AGRN: variants seen among roughly 807,000 people sequenced by gnomAD.
AGRN encodes the protein agrin proteoglycan.
AGRN carries 106 observed loss-of-function variants against 211.0 expected under a neutral mutation model. The observed-to-expected ratio is 0.50, with a 90% CI of 0.43 to 0.59. The LOEUF (loss-of-function observed/expected upper bound fraction) is 0.59, where lower values mean the gene tolerates loss of function less well. Among genes scored for constraint, AGRN ranks in the 20% least tolerant of loss-of-function variants. The pLI is 0.00. For synonymous variants in AGRN, 1,525 were observed against 1,332.5 expected, an observed-to-expected ratio of 1.14 and a Z score of -3.15; for missense variants, 3,040 against 2,982.6, an observed-to-expected ratio of 1.02 and a Z score of -0.45.
intron 34 of AGRN, 106 bp downstream of exon 34, chr1:1,054,083 CT>C: frequency 8.0e-7 from 1 of 1,255,880 alleles, no homozygotes; most frequent in Non-Finnish European, 1.1e-6. Flanking sequence ...GAGGACACGC[CT>C]TGCTGCCTGA....
chr1:1,027,437 G>A (rs573489002), intron 2 of AGRN, among the ~76,000 whole-genome samples: 64 of 152,294 alleles, frequency 4.2e-4, no homozygotes, highest in African/African-American at 1.5e-3. Flanking sequence ...AGGGGGCCTC[G>A]GAGCTGGGCT....
chr1:1,048,562 G>A lies in AGRN; in HGVS notation c.4105+197G>A, dbSNP rs1192101715. The A allele has an allele frequency of 5.0e-6, 3 of 599,740 alleles. No individual in the cohort carries two copies. The highest frequency in any genetic ancestry group is 1.9e-5 in the African/African-American group (1 of 52,936). 37.2% of individuals were successfully genotyped at this position (599,740 alleles called of 1,614,324 possible). On this transcript the variant is annotated intron_variant, in intron 23 of 35. Transcript: ENST00000379370. This position sits in a 1 kb window ranked among gnomAD's most constrained non-coding sequence, Gnocchi z 5.9. ...GAGGCAGGCGGATCACCTGAGGTCGGGAGTTCGAGACCAGCCTGACCAACA... is the reference window on the plus strand; with the variant it reads ...GAGGCAGGCGGATCACCTGAGGTCGAGAGTTCGAGACCAGCCTGACCAACA...
Position 1,055,313 on chromosome 1 carries a change from C to T in AGRN, c.*332C>T, listed in dbSNP as rs1185389665. On this transcript the variant is annotated 3_prime_UTR_variant, in exon 36 of 36. Transcript: ENST00000379370. The stretch of plus-strand genomic sequence containing the variant: ...CACCCTCGCTCCGTCAGGCGGGACT[C>T]GTGTCCCAGAGAGGAAGGGGCTGCT... 4 of 400,022 alleles carry T rather than the reference C, an allele frequency of 1.0e-5. No individual in the cohort carries two copies. Among genetic ancestry groups the T allele is most frequent in the East Asian group, 5.8e-5 (1 of 17,362 alleles). 24.8% of individuals were successfully genotyped at this position (400,022 alleles called of 1,614,324 possible). A position where few individuals can be genotyped will look rare whatever the true frequency, so the allele number is the denominator to read the frequency against.
rs1369161617 is a variant in AGRN at position 1,046,157 on chromosome 1, C to T, written c.2806-3C>T. ...CCTTGAACATCCTTGTTCTCTGCCC[C>T]AGGTCTGTGGGTCAGATGGAGTCAC... On this transcript the variant is annotated splice_polypyrimidine_tract_variant and splice_region_variant and intron_variant, in intron 16 of 35. Transcript: ENST00000379370. 3 of 1,613,932 alleles carry T rather than the reference C, an allele frequency of 1.9e-6. No homozygotes were observed. The highest frequency in any genetic ancestry group is 1.7e-5 in the Admixed American group (1 of 60,024).
At chr1:1,028,568 C>T (rs1012585179) in intron 2 of AGRN, among the ~76,000 whole-genome samples, 6 of 127,878 alleles carry the variant, frequency 4.7e-5, no homozygotes, top group Admixed American at 7.5e-5. Flanking sequence ...CCACCCTTTC[C>T]GAAGGAACCG....
At chr1:1,050,947 T>C in intron 30 of AGRN, 110 bp downstream of exon 30, 2 of 1,546,422 alleles carry the variant, frequency 1.3e-6, no homozygotes, top group Non-Finnish European at 1.7e-6. Context: ...TCCTGTTCTC[T>C]TGGCCGCCTG....
chr1:1,042,904 G>C (rs1557703541), intron 7 of AGRN, among the ~76,000 whole-genome samples: 2 of 152,030 alleles, frequency 1.3e-5, no homozygotes. Flanking sequence ...CACATGCATG[G>C]GTGTCCTGGG....
intron 15 of AGRN, 42 bp from the exon 16 acceptor site, chr1:1,045,922 G>C: frequency 1.2e-6 from 2 of 1,611,162 alleles, no homozygotes; most frequent in Non-Finnish European, 1.7e-6. Context: ...GGGTGGGGTG[G>C]GGTCACCCGA....
At chr1:1,035,840 G>C (rs924344138) in intron 3 of AGRN, among the ~76,000 whole-genome samples, 26 of 151,950 alleles carry the variant, frequency 1.7e-4, no homozygotes, top group South Asian at 2.1e-4. Context: ...GCTGTCATGG[G>C]GGGACACAAG....
At chr1:1,042,187 G>T in intron 7 of AGRN, 25 bp downstream of exon 7, 6 of 1,579,170 alleles carry the variant, frequency 3.8e-6, no homozygotes, top group Non-Finnish European at 5.1e-6. Context: ...GTGGAGGCCA[G>T]GCGGGGTGGG....
At chr1:1,041,885 C>T in intron 6 of AGRN, 71 bp from the exon 7 acceptor site, 1 of 1,594,250 alleles carries the variant, frequency 6.3e-7, no homozygotes. Context: ...CTCCCCTGCT[C>T]CCTGCACATC....
chr1:1,039,040 C>T (rs543598355), intron 3 of AGRN, among the ~76,000 whole-genome samples: 7 of 152,352 alleles, frequency 4.6e-5, no homozygotes, highest in African/African-American at 1.7e-4. Flanking sequence ...GATACTGGCC[C>T]ATTTAACCCC....
At chr1:1,027,234 A>C (rs1048062560) in intron 2 of AGRN, among the ~76,000 whole-genome samples, 7 of 152,106 alleles carry the variant, frequency 4.6e-5, no homozygotes, top group Non-Finnish European at 7.4e-5. Flanking sequence ...GCGTGTGTGC[A>C]TGTGTTTGTG....
chr1:1,042,022 C>T lies in AGRN; in HGVS notation c.1244C>T (p.Ser415Phe), dbSNP rs755739061. The change falls in exon 7 of 36, where the codon TCC becomes TTC. Residue 415 changes from serine (S) to phenylalanine (F), a missense_variant. Ser to Phe is a radical substitution (Grantham distance 155). Transcript: ENST00000379370. ...TCCCGCCGTGGCCGTCCCCGCTGCT[C>T]CTGCGACCGCGTCACCTGTGACGGG... ...CLSRRGRPRC[S>F]CDRVTCDGAY... The T allele has an allele frequency of 1.2e-6, 2 of 1,610,732 alleles. No individual in the cohort carries two copies. Among genetic ancestry groups the T allele is most frequent in the East Asian group, 2.2e-5 (1 of 44,856 alleles).
At chr1:1,035,702 T>C (rs1003543084) in intron 3 of AGRN, among the ~76,000 whole-genome samples, 1 of 152,138 alleles carries the variant, frequency 6.6e-6, no homozygotes, top group Non-Finnish European at 1.5e-5. Flanking sequence ...GGGGTGGGGC[T>C]GGACAGAGGC....
In AGRN at chr1:1,054,623, C is replaced by T; in HGVS notation, c.5980+72C>T. 2.6e-6 allele frequency: 4 copies of T among 1,524,954 alleles called. No homozygotes were observed. In the South Asian group the frequency reaches 3.6e-5, roughly 14 times the overall value. The allele number at this position is 1,524,954 out of a possible 1,614,324, so 94.5% of individuals were successfully genotyped here. On this transcript the variant is annotated intron_variant, in intron 35 of 35. Coordinates refer to ENST00000379370, the MANE Select transcript of AGRN (RefSeq NM_198576.4). ...ATATCCGAGGGACAGACTCCACCCC[C>T]CAGCGCCCACCCTTGAGTCAGGGTG... is the stretch of plus-strand genomic sequence containing the variant.
At chr1:1,024,897 A>T (rs1570139614) in intron 2 of AGRN, among the ~76,000 whole-genome samples, 1 of 151,766 alleles carries the variant, frequency 6.6e-6, no homozygotes, top group East Asian at 1.9e-4. Context: ...CCGGAAGGAG[A>T]CCCCCGCCCC....
Position 1,035,278 on chromosome 1 carries a change from T to C in AGRN, c.465T>C (p.Asp155=). 6.2e-7 allele frequency: 1 copy of C among 1,612,916 alleles called. No individual in the cohort carries two copies. The highest frequency in any genetic ancestry group is 8.5e-7 in the Non-Finnish European group (1 of 1,179,960). ...NLEEVEFCVE[D]KPGTHFTPVP... is the part of the protein sequence containing the mutation. The stretch of plus-strand genomic sequence containing the variant: ...ACTTGGGGATTTGTTTTCTTCCAGA[T>C]AAACCCGGGACCCACTTCACTCCAG... The change falls in exon 3 of 36, where the codon GAT becomes GAC. Residue 155 remains aspartate, a splice_region_variant and synonymous_variant. Transcript: ENST00000379370.
At chr1:1,042,282 C>T in intron 7 of AGRN, 120 bp downstream of exon 7, 4 of 1,279,292 alleles carry the variant, frequency 3.1e-6, no homozygotes, top group Non-Finnish European at 4.2e-6. Flanking sequence ...GTGGGCCGGT[C>T]CCTCTGGGAA....
Sources: gnomAD v4.1 joint callset for allele counts (sites outside exome capture counted in the v4.1 genomes callset) on GRCh38, gnomAD v4.1.1 for gene constraint, Gnocchi (gnomAD v3.1) non-coding constraint, MANE v1.5 for transcripts, NCBI Gene and HGNC (gene_info 2026-07-23, HGNC 2026-07-21) for gene names.